Variants in SPTB observed in about 807,000 individuals in gnomAD.
SPTB encodes spectrin beta chain, erythrocytic.
A neutral mutation model predicts 256.2 loss-of-function variants in SPTB; 45 were observed. The observed-to-expected ratio is 0.18, with a 90% CI of 0.14 to 0.23. The LOEUF (loss-of-function observed/expected upper bound fraction) is 0.23. Ranked by LOEUF, SPTB falls within the 10% of genes least tolerant of loss-of-function variation. The pLI is 1.00. For missense variants in SPTB, 2,715 were observed against 3,040.4 expected (o/e 0.89, Z 2.52); for synonymous variants, 1,231 against 1,243.1 (o/e 0.99, Z 0.21).
rs1241719395 is a variant in SPTB at position 64,827,029 on chromosome 14, T to C, written c.-51-3884A>G. Among the ~76,000 whole-genome samples the C allele has an allele frequency of 6.6e-6, 1 of 152,204 alleles. No individual in the cohort carries two copies. The highest frequency in any genetic ancestry group is 1.5e-5 in the Non-Finnish European group (1 of 68,030). ...CACATCCGCCTTTGAGGTCCGATGCTAGGCTCAGAGCCTCAACCTCATGTG... is the reference window on the plus strand; with the variant it reads ...CACATCCGCCTTTGAGGTCCGATGCCAGGCTCAGAGCCTCAACCTCATGTG... On this transcript the variant is annotated intron_variant, in intron 1 of 35. Transcript: ENST00000644917. This position sits in a 1 kb window ranked among gnomAD's most constrained non-coding sequence, Gnocchi z 4.6.
At chr14:64,850,084 C>T (rs1445025244) in intron 1 of SPTB, among the ~76,000 whole-genome samples, 1 of 152,188 alleles carries the variant, frequency 6.6e-6, no homozygotes, top group East Asian at 1.9e-4. Flanking sequence ...GTGACAGAGA[C>T]TATCATATGC....
At chr14:64,832,278 C>G (rs2083463070) in intron 1 of SPTB, among the ~76,000 whole-genome samples, 1 of 152,242 alleles carries the variant, frequency 6.6e-6, no homozygotes, top group Non-Finnish European at 1.5e-5. Context: ...GCAGGAGATG[C>G]TTTTCAGGTC....
rs774821979 is a variant in SPTB, at chr14:64,794,573, A to C, written c.1689T>G (p.Val563=). 1 of 1,614,218 alleles carries C rather than the reference A, an allele frequency of 6.2e-7. No homozygotes were observed. Among genetic ancestry groups the C allele is most frequent in the Non-Finnish European group, 8.5e-7 (1 of 1,180,048 alleles). Residue 563 remains valine (V), a synonymous_variant, in exon 13 of 36, where the codon GTT becomes GTG. Transcript: ENST00000644917. ...ACTTGTGCTTCTGTAGCAGGTCTTCAACCTCCAACAAGTGCTTCCCAAACT... is the reference window on the plus strand; with the variant it reads ...ACTTGTGCTTCTGTAGCAGGTCTTCCACCTCCAACAAGTGCTTCCCAAACT... ...SAEFGKHLLE[V]EDLLQKHKLM... is the part of the protein sequence containing the mutation.
intron 1 of SPTB, among the ~76,000 whole-genome samples, chr14:64,838,608 A>G (rs2083560339): frequency 6.6e-6 from 1 of 152,204 alleles, no homozygotes; most frequent in South Asian, 2.1e-4. Context: ...AAAAAGAAAT[A>G]TAATAGCAAA....
Position 64,772,756 on chromosome 14 carries a change from G to A in SPTB, c.5377C>T (p.Leu1793=). 1 of 1,613,994 alleles carries A rather than the reference G, an allele frequency of 6.2e-7. No homozygotes were observed. Among genetic ancestry groups the A allele is most frequent in the Admixed American group, 1.7e-5 (1 of 60,034 alleles). Residue 1793 remains leucine, a synonymous_variant, in exon 26 of 36, where the codon CTG becomes TTG. Transcript: ENST00000644917. The surrounding 1 kb of genome is among the most constrained non-coding windows in gnomAD (Gnocchi z 5.4). ...CGGTGCAGGTCATAGGAGGCGGCCA[G>A]CAGCTGCATGCGCGTGTCAATGAGC... The part of the protein sequence containing the change: ...LELIDTRMQL[L]AASYDLHRYF...
chr14:64,792,074 C>T lies in SPTB; in HGVS notation c.2667-218G>A, dbSNP rs1331422580. On this transcript the variant is annotated intron_variant, in intron 14 of 35. Transcript: ENST00000644917. This position sits in a 1 kb window ranked among gnomAD's most constrained non-coding sequence, Gnocchi z 4.2. ...TGAGTTAGCATTGCCTGGAACAGGC[C>T]GGGAGAGAGCCAGTTACTTCCTACA... 1.3e-5 allele frequency among the ~76,000 whole-genome samples: 2 copies of T among 152,090 alleles called. No homozygotes were observed. The highest frequency in any genetic ancestry group is 2.4e-5 in the African/African-American group (1 of 41,418).
chr14:64,878,993 G>C (rs540224786), intron 1 of SPTB, among the ~76,000 whole-genome samples: 1 of 152,326 alleles, frequency 6.6e-6, no homozygotes, highest in East Asian at 1.9e-4. Context: ...GGGAAGTACG[G>C]ATGAGTTGGT....
chr14:64,799,864 G>A lies in SPTB; in HGVS notation c.947C>T (p.Thr316Ile), dbSNP rs146651264. The change falls in exon 9 of 36, where the codon ACC (threonine) becomes ATC (isoleucine). Residue 316 changes from threonine (T) to isoleucine (I), a missense_variant. Around this residue, in one of 4 missense-constraint regions of SPTB, gnomAD observed 416 missense variants for 571.1 expected, o/e 0.73. Transcript: ENST00000644917. ...KYSGLASDLL[T>I]WIEQTITVLN... ...GACAGTGATGGTCTGCTCGATCCAG[G>A]TGAGCAGGTCCGAGGCTAGCCCGCT... is the stretch of plus-strand genomic sequence containing the variant. The A allele has an allele frequency of 1.5e-4, 241 of 1,614,096 alleles. No individual in the cohort carries two copies. Among genetic ancestry groups the A allele is most frequent in the Non-Finnish European group, 1.9e-4 (224 of 1,180,040 alleles).
In SPTB at chr14:64,792,339, G is replaced by T. The variant is rs1007222337; in HGVS notation, c.2667-483C>A. Among the ~76,000 whole-genome samples, 3 of 152,170 alleles carry T rather than the reference G, an allele frequency of 2.0e-5. No individual in the cohort carries two copies. The highest frequency in any genetic ancestry group is 7.2e-5 in the African/African-American group (3 of 41,422). On this transcript the variant is annotated intron_variant, in intron 14 of 35. Transcript: ENST00000644917. This position sits in a 1 kb window ranked among gnomAD's most constrained non-coding sequence, Gnocchi z 4.2. ...AAAAGCTGCTGGGGCGGTGGTCGGG[G>T]GGAATTTGTGGTTCTGAAGGCCGAT... is the stretch of plus-strand genomic sequence containing the variant.
intron 2 of SPTB, among the ~76,000 whole-genome samples, chr14:64,815,287 ATCTCCCATGAAGCG>A: frequency 2.0e-5 from 3 of 150,766 alleles, no homozygotes. Flanking sequence ...TGAAGCGGGC[ATCTCCCATGAAGCG>A]CGAAGGAGCA....
At chr14:64,863,426 G>A (rs1305958430) in intron 1 of SPTB, among the ~76,000 whole-genome samples, 4 of 152,202 alleles carry the variant, frequency 2.6e-5, no homozygotes, top group Admixed American at 1.3e-4. Flanking sequence ...AAACAAGCTT[G>A]TGTAGACCCT....
In SPTB at chr14:64,760,365, G is replaced by A. The variant is rs1338281131; in HGVS notation, c.6345+6361C>T. Among the ~76,000 whole-genome samples, 3 of 152,174 alleles carry A rather than the reference G, an allele frequency of 2.0e-5. No individual in the cohort carries two copies. The highest frequency in any genetic ancestry group is 7.2e-5 in the African/African-American group (3 of 41,432). On this transcript the variant is annotated intron_variant, in intron 32 of 35. Coordinates refer to ENST00000644917, the MANE Select transcript of SPTB (RefSeq NM_001355436.2). The surrounding 1 kb of genome is among the most constrained non-coding windows in gnomAD (Gnocchi z 4.3). ...GTATGTCCAGGCTCAACCAGCAGGT[G>A]GCGCGGGGGACTGCACACAGACAAC...
rs1008658580 is a variant in SPTB at position 64,796,830 on chromosome 14, G to T, written c.1183-115C>A. The T allele has an allele frequency of 1.2e-4, 164 of 1,345,924 alleles. 1 individual carries two copies. The highest frequency in any genetic ancestry group is 1.4e-4 in the Non-Finnish European group (136 of 953,674). 83.4% of individuals were successfully genotyped at this position (1,345,924 alleles called of 1,614,324 possible). A position where few individuals can be genotyped will look rare whatever the true frequency, so the allele number is the denominator to read the frequency against. ...TTCTGGAATCAAGGTACAGCCTGATGCTCTTGGGTGACGTGGTAGCAGATT... is the reference window on the plus strand; with the variant it reads ...TTCTGGAATCAAGGTACAGCCTGATTCTCTTGGGTGACGTGGTAGCAGATT... On this transcript the variant is annotated intron_variant, in intron 10 of 35. Coordinates refer to ENST00000644917, the MANE Select transcript of SPTB (RefSeq NM_001355436.2). The surrounding 1 kb of genome is among the most constrained non-coding windows in gnomAD (Gnocchi z 4.1).
chr14:64,776,634 C>G (rs11627632), intron 22 of SPTB, among the ~76,000 whole-genome samples: 25,355 of 152,062 alleles, frequency 0.17, 2,179 homozygotes, highest in Non-Finnish European at 0.18. Context: ...TAGAGATGGG[C>G]TTTTGCCATG....
rs138157205 is a variant in SPTB at position 64,772,663 on chromosome 14, C to A, written c.5470G>T (p.Val1824Leu). 2.5e-6 allele frequency: 4 copies of A among 1,613,334 alleles called. No homozygotes were observed. The African/African-American group carries it at 5.3e-5, about 22-fold the overall frequency. ...DEKHRELPEDVGLDASTAESF... is the reference protein window; with the variant it reads ...DEKHRELPEDLGLDASTAESF... Reference sequence around the variant, plus strand: ...TCGGCCGTGCTGGCGTCCAGCCCCACGTCCTCGGGCAGCTCGCGGTGCTTC... The same window carrying A: ...TCGGCCGTGCTGGCGTCCAGCCCCAAGTCCTCGGGCAGCTCGCGGTGCTTC... The change falls in exon 26 of 36, where the codon GTG becomes TTG. Residue 1824 changes from valine (V) to leucine (L), a missense_variant. This residue lies in a region of SPTB where 2,239 missense variants were observed against 2,384.4 expected (regional missense o/e 0.94). Coordinates refer to ENST00000644917, the MANE Select transcript of SPTB (RefSeq NM_001355436.2). The surrounding 1 kb of genome is among the most constrained non-coding windows in gnomAD (Gnocchi z 5.4).
chr14:64,876,231 G>A (rs1024449741), intron 1 of SPTB, among the ~76,000 whole-genome samples: 2 of 152,030 alleles, frequency 1.3e-5, no homozygotes, highest in African/African-American at 4.8e-5. Context: ...AACCTCTACC[G>A]CCCAGGTTCG....
intron 1 of SPTB, among the ~76,000 whole-genome samples, chr14:64,843,301 C>T (rs988616948): frequency 2.6e-5 from 4 of 152,142 alleles, no homozygotes; most frequent in Admixed American, 1.3e-4. Flanking sequence ...TTCTGTGATG[C>T]CTGAGACACG....
At chr14:64,870,465 C>T (rs1326317957) in intron 1 of SPTB, among the ~76,000 whole-genome samples, 3 of 152,140 alleles carry the variant, frequency 2.0e-5, no homozygotes, top group South Asian at 2.1e-4. Context: ...CACCCTTCCC[C>T]ACCTGAGCTT....
At chr14:64,776,564 C>T (rs1265191622) in intron 22 of SPTB, among the ~76,000 whole-genome samples, 1 of 152,140 alleles carries the variant, frequency 6.6e-6, no homozygotes, top group African/African-American at 2.4e-5. Flanking sequence ...CCTCAGCCTC[C>T]CAAGTAGCTT....
Sources: allele counts gnomAD v4.1 joint callset (sites outside exome capture counted in the v4.1 genomes callset), GRCh38; gene constraint gnomAD v4.1.1; regional missense constraint gnomAD v4.1.1; non-coding constraint Gnocchi (gnomAD v3.1); transcripts MANE v1.5; gene names NCBI Gene and HGNC (gene_info 2026-07-23, HGNC 2026-07-21).